MBD5: variants seen among roughly 807,000 people sequenced by gnomAD.
The protein encoded by MBD5 is methyl-CpG-binding domain protein 5.
Under a neutral mutation model 117.3 loss-of-function variants are expected in MBD5, and 13 were observed. The observed-to-expected ratio is 0.11, with a 90% CI of 0.07 to 0.18. The LOEUF is 0.18. MBD5 is among the 10% of genes least tolerant of loss of function. The pLI, the probability that MBD5 is intolerant of heterozygous loss-of-function variation, is 1.00. For missense variants in MBD5, 1,879 were observed against 2,093.8 expected (o/e 0.90, Z 2.00); for synonymous variants, 727 against 766.4 (o/e 0.95, Z 0.85).
intron 5 of MBD5, among the ~76,000 whole-genome samples, chr2:148,459,243 T>C (rs942174286): frequency 1.3e-5 from 2 of 152,216 alleles, no homozygotes; most frequent in East Asian, 3.9e-4. Context: ...TTTGATAAAA[T>C]TGAGTTTTTA....
intron 1 of MBD5, among the ~76,000 whole-genome samples, chr2:148,086,272 A>G (rs561533885): frequency 1.3e-5 from 2 of 152,110 alleles, no homozygotes; most frequent in South Asian, 4.2e-4. Flanking sequence ...TACCATTAGT[A>G]GTATAGTCAT....
intron 3 of MBD5, among the ~76,000 whole-genome samples, chr2:148,271,346 T>C (rs1292389375): frequency 6.6e-6 from 1 of 152,198 alleles, no homozygotes; most frequent in African/African-American, 2.4e-5. Flanking sequence ...CTCTGTTATA[T>C]ACAAGGTTAG....
chr2:148,506,036 G>A (rs1208537711), intron 12 of MBD5, among the ~76,000 whole-genome samples: 1 of 152,176 alleles, frequency 6.6e-6, no homozygotes, highest in Non-Finnish European at 1.5e-5. Context: ...AAAGATACAG[G>A]TGAAAGAAAG....
intron 2 of MBD5, among the ~76,000 whole-genome samples, chr2:148,180,231 A>C (rs1033704096): frequency 1.3e-5 from 2 of 150,812 alleles, no homozygotes; most frequent in African/African-American, 4.9e-5. Flanking sequence ...TGACTTGGTT[A>C]CTTGGAAGAG....
At chr2:148,364,670 A>G (rs567866857) in intron 4 of MBD5, among the ~76,000 whole-genome samples, 2 of 152,338 alleles carry the variant, frequency 1.3e-5, no homozygotes, top group East Asian at 1.9e-4. Context: ...ATGGAAAGCA[A>G]TAAAAAGCAG....
chr2:148,403,331 C>T (rs565993409), intron 4 of MBD5, among the ~76,000 whole-genome samples: 2 of 152,106 alleles, frequency 1.3e-5, no homozygotes, highest in East Asian at 3.9e-4. Context: ...AGGCACGCAC[C>T]ACCACACTCA....
intron 4 of MBD5, among the ~76,000 whole-genome samples, chr2:148,421,672 G>C (rs1559064123): frequency 6.6e-6 from 1 of 152,178 alleles, no homozygotes; most frequent in African/African-American, 2.4e-5. Context: ...AGCAAGCTAA[G>C]ATCCACTGGC....
chr2:148,381,270 T>C (rs555734016), intron 4 of MBD5, among the ~76,000 whole-genome samples: 2 of 152,202 alleles, frequency 1.3e-5, no homozygotes, highest in Non-Finnish European at 2.9e-5. Flanking sequence ...GAGAAGTCCT[T>C]AAAGGAACTA....
At chr2:148,340,833 C>T (rs1156840791) in intron 3 of MBD5, among the ~76,000 whole-genome samples, 1 of 94,184 alleles carries the variant, frequency 1.1e-5, no homozygotes, top group Non-Finnish European at 2.1e-5. Flanking sequence ...TTTTAAACCA[C>T]ACATACACAC....
At chr2:148,272,228 G>A (rs574465300) in intron 3 of MBD5, among the ~76,000 whole-genome samples, 2 of 152,268 alleles carry the variant, frequency 1.3e-5, no homozygotes, top group African/African-American at 4.8e-5. Context: ...TTGGCTATTA[G>A]TTGTATAATG....
At chr2:148,074,381 C>T (rs1216233027) in intron 1 of MBD5, among the ~76,000 whole-genome samples, 1 of 151,570 alleles carries the variant, frequency 6.6e-6, no homozygotes, top group African/African-American at 2.4e-5. Context: ...AAAACAAAGT[C>T]TAATGTGAGC....
intron 3 of MBD5, among the ~76,000 whole-genome samples, chr2:148,307,543 T>C (rs1447244279): frequency 1.3e-5 from 2 of 152,208 alleles, no homozygotes; most frequent in Admixed American, 6.5e-5. Context: ...TTATACTGTT[T>C]CTTACTAAAA....
intron 3 of MBD5, among the ~76,000 whole-genome samples, chr2:148,315,007 CT>C (rs1322862548): frequency 6.6e-6 from 1 of 152,114 alleles, no homozygotes; most frequent in Non-Finnish European, 1.5e-5. Flanking sequence ...TACCCATTAT[CT>C]TTTTTTCCTT....
At chr2:148,339,526 C>A (rs1185831607) in intron 3 of MBD5, among the ~76,000 whole-genome samples, 1 of 152,128 alleles carries the variant, frequency 6.6e-6, no homozygotes, top group African/African-American at 2.4e-5. Context: ...ATGAACTCAT[C>A]TCTCATTTTC....
intron 3 of MBD5, among the ~76,000 whole-genome samples, chr2:148,329,554 G>A (rs1291859678): frequency 6.6e-6 from 1 of 152,064 alleles, no homozygotes; most frequent in African/African-American, 2.4e-5. Context: ...TCACTTATAA[G>A]TAATTAGTAG....
intron 4 of MBD5, among the ~76,000 whole-genome samples, chr2:148,396,399 T>G (rs968179802): frequency 2.0e-5 from 3 of 152,210 alleles, no homozygotes; most frequent in Non-Finnish European, 4.4e-5. Flanking sequence ...TCATGGCAGC[T>G]TTCTTCCACA....
At chr2:148,075,572 A>T (rs1321479471) in intron 1 of MBD5, among the ~76,000 whole-genome samples, 1 of 152,098 alleles carries the variant, frequency 6.6e-6, no homozygotes, top group African/African-American at 2.4e-5. Flanking sequence ...CTCCTTAGCT[A>T]TGAGCATTGC....
At chr2:148,086,834 C>A (rs924061154) in intron 1 of MBD5, among the ~76,000 whole-genome samples, 5 of 152,140 alleles carry the variant, frequency 3.3e-5, no homozygotes, top group Non-Finnish European at 4.4e-5. Context: ...GTAAATGGGA[C>A]TAGACTTCCA....
chr2:148,385,173 G>GGC (rs1216309907), intron 4 of MBD5, among the ~76,000 whole-genome samples: 3 of 152,138 alleles, frequency 2.0e-5, no homozygotes, highest in Non-Finnish European at 4.4e-5. Context: ...AGAGTGAACA[G>GGC]GCAACCTACA....
Sources: gnomAD v4.1 joint callset for allele counts (sites outside exome capture counted in the v4.1 genomes callset) on GRCh38, gnomAD v4.1.1 for gene constraint, MANE v1.5 for transcripts, NCBI Gene and HGNC (gene_info 2026-07-23, HGNC 2026-07-21) for gene names.